Variants in ZC2HC1A observed in about 807,000 individuals in gnomAD.
ZC2HC1A encodes the protein zinc finger C2HC domain-containing protein 1A.
A neutral mutation model predicts 40.7 loss-of-function variants in ZC2HC1A; 28 were observed. The observed-to-expected ratio is 0.69, with a 90% CI of 0.51 to 0.94. The LOEUF is 0.94. Among genes scored for constraint, ZC2HC1A ranks in the 40% least tolerant of loss-of-function variants. The pLI is 0.00. For synonymous variants in ZC2HC1A, 129 were observed against 129.2 expected (o/e 1.00, Z 0.01); for missense variants, 389 against 386.3 (o/e 1.01, Z -0.06).
intron 4 of ZC2HC1A, among the ~76,000 whole-genome samples, chr8:78,688,006 G>A (rs1022867940): frequency 6.8e-6 from 1 of 146,462 alleles, no homozygotes; most frequent in Non-Finnish European, 1.5e-5. Flanking sequence ...AATATAAAAT[G>A]AGCATGGCTG....
chr8:78,714,619 T>A (rs1461699965), intron 7 of ZC2HC1A, among the ~76,000 whole-genome samples: 1 of 152,192 alleles, frequency 6.6e-6, no homozygotes, highest in Non-Finnish European at 1.5e-5. Context: ...CTTCTTTGAT[T>A]CTTAAAGTTT....
At chr8:78,699,093 A>G (rs1012384978) in intron 7 of ZC2HC1A, among the ~76,000 whole-genome samples, 1 of 149,512 alleles carries the variant, frequency 6.7e-6, no homozygotes, top group Non-Finnish European at 1.5e-5. Flanking sequence ...GATATTTTGC[A>G]ACTATAGTAT....
At chr8:78,711,374 GTGTGTGTA>G (rs1415311215) in intron 7 of ZC2HC1A, among the ~76,000 whole-genome samples, 5 of 151,922 alleles carry the variant, frequency 3.3e-5, no homozygotes, top group Non-Finnish European at 7.4e-5. Context: ...GTCAAAATGT[GTGTGTGTA>G]TATATAGGCC....
At chr8:78,668,161 T>C (rs1389157332) in intron 1 of ZC2HC1A, among the ~76,000 whole-genome samples, 16 of 151,956 alleles carry the variant, frequency 1.1e-4, no homozygotes, top group Admixed American at 1.0e-3. Context: ...CCTTCCTCCT[T>C]CTCCCCTCTC....
chr8:78,702,474 T>C (rs905901417), intron 7 of ZC2HC1A, among the ~76,000 whole-genome samples: 2 of 152,232 alleles, frequency 1.3e-5, no homozygotes, highest in Non-Finnish European at 1.5e-5. Flanking sequence ...AGTTTAGCTC[T>C]GATTTTGACT....
intron 3 of ZC2HC1A, among the ~76,000 whole-genome samples, chr8:78,680,578 A>G (rs1332589964): frequency 1.3e-5 from 2 of 152,204 alleles, no homozygotes; most frequent in African/African-American, 4.8e-5. Context: ...TATCAAGAAA[A>G]TCCTACAAAA....
At chr8:78,678,426 CTTAT>C (rs574496112) in intron 2 of ZC2HC1A, 133 bp from the exon 3 acceptor site, 48 of 655,528 alleles carry the variant, frequency 7.3e-5, no homozygotes, top group East Asian at 6.4e-4. Context: ...CAAGGTGTAT[CTTAT>C]TTATTTATTA....
intron 1 of ZC2HC1A, among the ~76,000 whole-genome samples, chr8:78,667,027 T>G (rs944208373): frequency 6.6e-6 from 1 of 152,228 alleles, no homozygotes; most frequent in African/African-American, 2.4e-5. Flanking sequence ...TGAAAGATCC[T>G]ATTGTCTTGA....
chr8:78,710,194 A>C (rs1810909329), intron 7 of ZC2HC1A, among the ~76,000 whole-genome samples: 1 of 152,216 alleles, frequency 6.6e-6, no homozygotes, highest in Admixed American at 6.5e-5. Flanking sequence ...TTGATAGCCT[A>C]ATGGCAACTT....
At chr8:78,697,322 C>T (rs951229780) in intron 5 of ZC2HC1A, 85 bp from the exon 6 acceptor site, 21 of 1,120,466 alleles carry the variant, frequency 1.9e-5, no homozygotes, top group African/African-American at 3.2e-5. Flanking sequence ...ATCCTAAACC[C>T]AAAGAATGTT....
At position 78,717,672 on chromosome 8, in the gene ZC2HC1A, ACTGTATAT is replaced by A; in HGVS notation, c.*180_*187del. ...TGTGTATGTTTATATGTGTACATAT[ACTGTATAT>A]AATAAATATCTGATACCCCAGACTG... is the stretch of plus-strand genomic sequence containing the variant. On this transcript the variant is annotated 3_prime_UTR_variant, in exon 9 of 9. Coordinates refer to ENST00000263849, the MANE Select transcript of ZC2HC1A (RefSeq NM_016010.3). The A allele has an allele frequency of 1.3e-5, 6 of 473,048 alleles. No individual in the cohort carries two copies. The highest frequency in any genetic ancestry group is 5.0e-5 in the South Asian group (1 of 19,884). 29.3% of individuals were successfully genotyped at this position (473,048 alleles called of 1,614,324 possible). A position where few individuals can be genotyped will look rare whatever the true frequency, so the allele number is the denominator to read the frequency against.
chr8:78,675,701 C>A, intron 1 of ZC2HC1A, 86 bp from the exon 2 acceptor site: 2 of 1,215,198 alleles, frequency 1.6e-6, no homozygotes, highest in Non-Finnish European at 1.1e-6. Flanking sequence ...GATAATTTAC[C>A]TATAAAACTA....
chr8:78,703,510 AC>A (rs1202653900), intron 7 of ZC2HC1A, among the ~76,000 whole-genome samples: 2 of 144,784 alleles, frequency 1.4e-5, no homozygotes, highest in Admixed American at 1.4e-4. Flanking sequence ...GTTAAATTGA[AC>A]CCTTTACCAT....
At chr8:78,687,910 TAA>T (rs1169014543) in intron 4 of ZC2HC1A, among the ~76,000 whole-genome samples, 22 of 53,708 alleles carry the variant, frequency 4.1e-4, no homozygotes, top group African/African-American at 9.4e-4. Flanking sequence ...TATATTTATA[TAA>T]ATATATAATT....
intron 5 of ZC2HC1A, among the ~76,000 whole-genome samples, chr8:78,695,591 T>G (rs1354833381): frequency 6.6e-6 from 1 of 152,200 alleles, no homozygotes; most frequent in Non-Finnish European, 1.5e-5. Context: ...TAACAAATTT[T>G]TGTTAGAGCT....
intron 8 of ZC2HC1A, among the ~76,000 whole-genome samples, chr8:78,717,003 A>T (rs763785515): frequency 6.6e-6 from 1 of 150,928 alleles, no homozygotes; most frequent in Non-Finnish European, 1.5e-5. Context: ...CAGCCTGCAG[A>T]ACTGTGAGTC....
intron 1 of ZC2HC1A, 103 bp from the exon 2 acceptor site, chr8:78,675,683 CA>C: frequency 2.7e-6 from 3 of 1,099,458 alleles, no homozygotes; most frequent in South Asian, 1.7e-5. Flanking sequence ...ACATTTTTCA[CA>C]AAAACTGATA....
intron 7 of ZC2HC1A, among the ~76,000 whole-genome samples, chr8:78,702,616 T>A (rs1017263475): frequency 1.3e-5 from 2 of 152,188 alleles, no homozygotes; most frequent in African/African-American, 4.8e-5. Flanking sequence ...AAATTTCCCT[T>A]TTACACTGCC....
At chr8:78,700,098 C>T (rs2130556094) in intron 7 of ZC2HC1A, among the ~76,000 whole-genome samples, 1 of 152,268 alleles carries the variant, frequency 6.6e-6, no homozygotes, top group South Asian at 2.1e-4. Context: ...TATAAGCATT[C>T]CTTTTTTCTC....
Sources: allele counts gnomAD v4.1 joint callset (sites outside exome capture counted in the v4.1 genomes callset), GRCh38; gene constraint gnomAD v4.1.1; transcripts MANE v1.5; gene names NCBI Gene and HGNC (gene_info 2026-07-23, HGNC 2026-07-21).